NBAS: variants seen among roughly 807,000 people sequenced by gnomAD.
NBAS encodes NAG/BC035112 fusion.
Under a neutral mutation model 302.5 loss-of-function variants are expected in NBAS, and 219 were observed. The ratio of observed to expected loss-of-function variants is 0.72; its 90% CI spans 0.65 to 0.81. NBAS has a LOEUF of 0.81. NBAS is among the 30% of genes least tolerant of loss of function. The pLI, the probability that NBAS is intolerant of heterozygous loss-of-function variation, is 0.00. For synonymous variants in NBAS, 1,118 were observed against 1,021.6 expected (o/e 1.09, Z -1.80); for missense variants, 2,932 against 2,841.6 (o/e 1.03, Z -0.72).
chr2:15,251,209 A>G (rs1668349529), intron 44 of NBAS, among the ~76,000 whole-genome samples: 1 of 152,354 alleles, frequency 6.6e-6, no homozygotes, highest in South Asian at 2.1e-4. Flanking sequence ...ACACAAGAAC[A>G]GAAAACCAAA....
intron 48 of NBAS, among the ~76,000 whole-genome samples, chr2:15,199,202 T>C (rs1360854797): frequency 6.7e-6 from 1 of 148,968 alleles, no homozygotes; most frequent in Admixed American, 6.7e-5. Context: ...ATCTAACAAA[T>C]TATCTGAAAA....
At chr2:15,360,330 T>TAA (rs551926742) in intron 32 of NBAS, among the ~76,000 whole-genome samples, 123 of 92,980 alleles carry the variant, frequency 1.3e-3, no homozygotes, top group Middle Eastern at 5.8e-3. Context: ...TACCATAACT[T>TAA]AAAAAAAAAA....
chr2:14,866,722 T>A, the NBAS span, among the ~76,000 whole-genome samples: 1 of 152,160 alleles, frequency 6.6e-6, no homozygotes, highest in African/African-American at 2.4e-5. Flanking sequence ...ACTGAAGGCA[T>A]AAGAGACATC....
chr2:15,013,006 C>T, the NBAS span, among the ~76,000 whole-genome samples: 24 of 152,218 alleles, frequency 1.6e-4, no homozygotes, highest in East Asian at 3.9e-4. Flanking sequence ...TACTGGCATC[C>T]GCCACCATGC....
At chr2:14,944,803 C>T in the NBAS span, among the ~76,000 whole-genome samples, 1 of 151,944 alleles carries the variant, frequency 6.6e-6, no homozygotes, top group Admixed American at 6.6e-5. Context: ...TCCCTCCCCC[C>T]ATTCTGCCCA....
At chr2:14,863,223 T>C in the NBAS span, among the ~76,000 whole-genome samples, 2 of 152,218 alleles carry the variant, frequency 1.3e-5, no homozygotes, top group East Asian at 1.9e-4. Context: ...CCATTGGTTG[T>C]CATGCATGTC....
chr2:15,309,990 C>T (rs1214828552), intron 38 of NBAS, among the ~76,000 whole-genome samples: 2 of 152,084 alleles, frequency 1.3e-5, no homozygotes, highest in South Asian at 2.1e-4. Context: ...AATATGAATC[C>T]TTTATTTTTA....
At chr2:14,862,954 T>A in the NBAS span, among the ~76,000 whole-genome samples, 2 of 152,200 alleles carry the variant, frequency 1.3e-5, no homozygotes, top group Non-Finnish European at 2.9e-5. Flanking sequence ...AAGAAAGCTA[T>A]GGAGAAAGCA....
At chr2:15,245,598 G>T (rs1295331875) in intron 44 of NBAS, among the ~76,000 whole-genome samples, 1 of 150,804 alleles carries the variant, frequency 6.6e-6, no homozygotes, top group African/African-American at 2.5e-5. Context: ...ATGCCTCTCT[G>T]TTGAATGGAA....
chr2:15,297,880 G>T (rs1313154776), intron 40 of NBAS, among the ~76,000 whole-genome samples: 3 of 152,100 alleles, frequency 2.0e-5, no homozygotes, highest in Non-Finnish European at 4.4e-5. Context: ...GTGTGTCTGT[G>T]TGTGTGTGTA....
Position 15,551,480 on chromosome 2 carries a change from T to C in NBAS, c.379+13A>G, listed in dbSNP as rs143310911. ...TGAAATTTTCATTCTTTAAATATTTTGGAAACTCTTACCTTGACATTTCCC... is the reference window on the plus strand; with the variant it reads ...TGAAATTTTCATTCTTTAAATATTTCGGAAACTCTTACCTTGACATTTCCC... On this transcript the variant is annotated intron_variant, in intron 6 of 51. Coordinates refer to ENST00000281513, the MANE Select transcript of NBAS (RefSeq NM_015909.4). 1.3e-4 allele frequency: 203 copies of C among 1,587,712 alleles called. 1 individual carries two copies. In the African/African-American group the frequency reaches 2.6e-3, roughly 20 times the overall value.
intron 48 of NBAS, among the ~76,000 whole-genome samples, chr2:15,212,901 G>A (rs531352599): frequency 3.9e-5 from 6 of 152,130 alleles, no homozygotes; most frequent in African/African-American, 7.2e-5. Context: ...ATCCAGTTGC[G>A]GGCAGCTCTT....
At chr2:15,452,769 C>G (rs1027625824) in intron 21 of NBAS, among the ~76,000 whole-genome samples, 3 of 152,104 alleles carry the variant, frequency 2.0e-5, no homozygotes, top group African/African-American at 4.8e-5. Context: ...TCTGAGAAAG[C>G]CAACAACAGG....
chr2:15,370,110 T>A (rs1674412837), intron 31 of NBAS, among the ~76,000 whole-genome samples: 1 of 152,220 alleles, frequency 6.6e-6, no homozygotes, highest in Admixed American at 6.5e-5. Context: ...TGCTCTCACA[T>A]CTTTTCCTCA....
chr2:14,847,247 G>A, the NBAS span, among the ~76,000 whole-genome samples: 4 of 151,968 alleles, frequency 2.6e-5, no homozygotes, highest in Non-Finnish European at 5.9e-5. Context: ...GCCGGGTGTG[G>A]TGGCAGGCAC....
At chr2:15,255,775 A>G (rs1668564828) in intron 44 of NBAS, among the ~76,000 whole-genome samples, 1 of 152,138 alleles carries the variant, frequency 6.6e-6, no homozygotes, top group South Asian at 2.1e-4. Flanking sequence ...TGGCTTGCCA[A>G]TGAAGTATCC....
chr2:15,373,009 CAA>C lies in NBAS; in HGVS notation c.3703+1597_3703+1598del, dbSNP rs149098870. ...TCAAATCCGTAACAGCATGGCCTAACAAGAGATACAAACAGAGCAAAGGTTTC... is the reference window on the plus strand; with the variant it reads ...TCAAATCCGTAACAGCATGGCCTAACGAGATACAAACAGAGCAAAGGTTTC... On this transcript the variant is annotated intron_variant, in intron 31 of 51. Coordinates refer to ENST00000281513, the MANE Select transcript of NBAS (RefSeq NM_015909.4). Among the ~76,000 whole-genome samples the C allele has an allele frequency of 2.2e-4, 34 of 152,210 alleles. 1 individual carries two copies. In the East Asian group the frequency reaches 6.6e-3, roughly 29 times the overall value.
chr2:14,904,834 G>C, the NBAS span, among the ~76,000 whole-genome samples: 1 of 152,332 alleles, frequency 6.6e-6, no homozygotes, highest in South Asian at 2.1e-4. Context: ...CGGATCACAA[G>C]GTCAGGAGAT....
At chr2:14,939,712 C>G in the NBAS span, among the ~76,000 whole-genome samples, 3 of 152,198 alleles carry the variant, frequency 2.0e-5, no homozygotes, top group African/African-American at 7.2e-5. Flanking sequence ...AAGGATTCCT[C>G]AATGGGCTTT....
Sources: gnomAD v4.1 joint callset for allele counts (sites outside exome capture counted in the v4.1 genomes callset) on GRCh38, gnomAD v4.1.1 for gene constraint, MANE v1.5 for transcripts, NCBI Gene and HGNC (gene_info 2026-07-23, HGNC 2026-07-21) for gene names.